Variants in RTTN observed in about 807,000 individuals in gnomAD.
The protein encoded by RTTN is rotatin.
RTTN carries 182 observed loss-of-function variants against 269.2 expected under a neutral mutation model. The ratio of observed to expected loss-of-function variants is 0.68; its 90% CI spans 0.60 to 0.76. RTTN has a LOEUF of 0.76. Among genes scored for constraint, RTTN ranks in the 30% least tolerant of loss-of-function variants. The pLI, the probability that RTTN is intolerant of heterozygous loss-of-function variation, is 0.00. For synonymous variants in RTTN, 1,006 were observed against 963.5 expected, an observed-to-expected ratio of 1.04 and a Z score of -0.82; for missense variants, 2,545 against 2,608.6, an observed-to-expected ratio of 0.98 and a Z score of 0.53.
At chr18:70,181,392 A>G (rs1429344276) in intron 10 of RTTN, among the ~76,000 whole-genome samples, 4 of 152,196 alleles carry the variant, frequency 2.6e-5, no homozygotes, top group Non-Finnish European at 5.9e-5. Context: ...GTAAATAGGG[A>G]AAAAATAGAC....
In RTTN at chr18:70,030,860, G is replaced by T; in HGVS notation, c.5647+16C>A. On this transcript the variant is annotated intron_variant, in intron 41 of 48. Coordinates refer to ENST00000640769, the MANE Select transcript of RTTN (RefSeq NM_173630.4). ...TGATAATGCCATCAAAACAGCTGAT[G>T]TGTCATGTGGCTCACCTTTCAAAGC... 1 of 1,570,790 alleles carries T rather than the reference G, an allele frequency of 6.4e-7. No individual in the cohort carries two copies. Among genetic ancestry groups the T allele is most frequent in the Non-Finnish European group, 8.7e-7 (1 of 1,147,232 alleles).
At chr18:70,151,519 C>T (rs2060537860) in intron 14 of RTTN, among the ~76,000 whole-genome samples, 2 of 151,938 alleles carry the variant, frequency 1.3e-5, no homozygotes, top group Non-Finnish European at 2.9e-5. Context: ...CAAATTTCTA[C>T]TTCCTATTAT....
At chr18:70,046,581 GTCTGTTGT>G (rs1330128472) in intron 40 of RTTN, among the ~76,000 whole-genome samples, 1 of 152,166 alleles carries the variant, frequency 6.6e-6, no homozygotes. Flanking sequence ...GGGAAATAAA[GTCTGTTGT>G]TCTGATGGGG....
At chr18:70,006,214 TG>T in intron 47 of RTTN, 166 bp downstream of exon 47, 1 of 530,156 alleles carries the variant, frequency 1.9e-6, no homozygotes, top group Non-Finnish European at 3.4e-6. Context: ...AGATTTCAAC[TG>T]ATGGTTTACT....
intron 43 of RTTN, 91 bp from the exon 44 acceptor site, chr18:70,024,939 A>G: frequency 2.2e-6 from 3 of 1,390,120 alleles, no homozygotes; most frequent in Non-Finnish European, 2.9e-6. Context: ...CATCAACATA[A>G]GACCCAAGGA....
chr18:70,112,408 C>A lies in RTTN; in HGVS notation c.3683+2037G>T, dbSNP rs571154139. 2.1e-5 allele frequency among the ~76,000 whole-genome samples: 3 copies of A among 141,784 alleles called. No homozygotes were observed. In the East Asian group the frequency reaches 6.8e-4, roughly 32 times the overall value. 93.0% of individuals were successfully genotyped at this position (141,784 alleles called of 152,430 possible). A position where few individuals can be genotyped will look rare whatever the true frequency, so the allele number is the denominator to read the frequency against. On this transcript the variant is annotated intron_variant, in intron 27 of 48. Transcript: ENST00000640769. The stretch of plus-strand genomic sequence containing the variant: ...CTATCAGTGTGCTATATTCAGGAGA[C>A]CCATCTCACATGCAAAAAACACACA...
At chr18:70,138,779 C>T (rs150857096) in intron 21 of RTTN, 88 of 152,190 alleles carry the variant, frequency 5.8e-4, no homozygotes, top group African/African-American at 2.0e-3. Flanking sequence ...GGAAAAGATG[C>T]TAAAATAAAA....
At chr18:70,023,933 C>T (rs1008113315) in intron 44 of RTTN, among the ~76,000 whole-genome samples, 1 of 152,136 alleles carries the variant, frequency 6.6e-6, no homozygotes, top group African/African-American at 2.4e-5. Context: ...CAGGCATGCA[C>T]CATCATGCCT....
At chr18:70,182,403 G>A (rs1324451461) in intron 10 of RTTN, among the ~76,000 whole-genome samples, 8 of 151,622 alleles carry the variant, frequency 5.3e-5, no homozygotes, top group African/African-American at 1.7e-4. Context: ...ATAGCATAAA[G>A]AGAAAAAAAA....
intron 35 of RTTN, 47 bp downstream of exon 35, chr18:70,065,782 T>A: frequency 7.7e-7 from 1 of 1,299,500 alleles, no homozygotes; most frequent in Non-Finnish European, 1.1e-6. Context: ...CTGGACCAAC[T>A]TGTCATTTTT....
At position 70,087,989 on chromosome 18, in the gene RTTN, C is replaced by T. The variant is rs533924782; in HGVS notation, c.4302G>A (p.Glu1434=). The change falls in exon 31 of 49, where the codon GAG becomes GAA. Residue 1434 remains glutamate, a splice_region_variant and synonymous_variant. Transcript: ENST00000640769. ...AAAAAAGGAGAAAAGACAGACATAC[C>T]TCCCGGCGCACCATACTACATTCTG... The part of the protein sequence containing the change: ...DQSECSMVRR[E]AAFILQNLLV... 1.2e-6 allele frequency: 2 copies of T among 1,610,792 alleles called. No individual in the cohort carries two copies. Among genetic ancestry groups the T allele is most frequent in the South Asian group, 2.2e-5 (2 of 90,270 alleles).
intron 44 of RTTN, among the ~76,000 whole-genome samples, chr18:70,023,338 A>C (rs578106090): frequency 1.3e-5 from 2 of 152,328 alleles, no homozygotes; most frequent in South Asian, 4.1e-4. Context: ...TTTTGTAGCA[A>C]TAAATAACTA....
intron 23 of RTTN, 53 bp downstream of exon 23, chr18:70,134,420 T>C: frequency 7.6e-7 from 1 of 1,307,878 alleles, no homozygotes; most frequent in Non-Finnish European, 1.1e-6. Context: ...TTGATTTCCC[T>C]TTCTGTAACA....
rs571441432 is a variant in RTTN at position 70,177,192 on chromosome 18, G to A, written c.1306-347C>T. Among the ~76,000 whole-genome samples the A allele has an allele frequency of 2.0e-5, 3 of 152,140 alleles. No homozygotes were observed. In the South Asian group the frequency reaches 6.2e-4, roughly 32 times the overall value. ...TTGTTCCAATTTGGAACGTTAACACGCAAACCCCTCGTCAAGTATTTCTTA... is the reference window on the plus strand; with the variant it reads ...TTGTTCCAATTTGGAACGTTAACACACAAACCCCTCGTCAAGTATTTCTTA... On this transcript the variant is annotated intron_variant, in intron 10 of 48. Coordinates refer to ENST00000640769, the MANE Select transcript of RTTN (RefSeq NM_173630.4).
rs146893606 is a variant in RTTN, at chr18:70,199,689, T to C, written c.488-185A>G. ...TATCACAGGATAAATAAGAGAGTTC[T>C]CTTTTCATAATTTAAACAGAACTCA... On this transcript the variant is annotated intron_variant, in intron 4 of 48. Transcript: ENST00000640769. Among the ~76,000 whole-genome samples, 773 of 152,342 alleles carry C rather than the reference T, an allele frequency of 5.1e-3. 6 individuals are homozygous for C. Among genetic ancestry groups the C allele is most frequent in the African/African-American group, 0.018 (742 of 41,584 alleles).
chr18:70,045,513 T>C (rs575958656), intron 40 of RTTN, among the ~76,000 whole-genome samples: 11 of 152,356 alleles, frequency 7.2e-5, no homozygotes, highest in Middle Eastern at 3.4e-3. Context: ...CATGGACATA[T>C]AGTAAGCTAC....
At chr18:70,146,530 G>A (rs554728494) in intron 17 of RTTN, among the ~76,000 whole-genome samples, 27 of 152,156 alleles carry the variant, frequency 1.8e-4, no homozygotes, top group Non-Finnish European at 3.1e-4. Flanking sequence ...AAGTTGCCAG[G>A]TTTTAAGAAC....
At chr18:70,040,134 A>G (rs559366227) in intron 40 of RTTN, among the ~76,000 whole-genome samples, 18 of 152,346 alleles carry the variant, frequency 1.2e-4, no homozygotes, top group African/African-American at 4.3e-4. Flanking sequence ...ACAACATTCA[A>G]TGTAAATGGA....
chr18:70,143,001 G>T (rs556752122), intron 18 of RTTN, among the ~76,000 whole-genome samples: 1 of 152,150 alleles, frequency 6.6e-6, no homozygotes, highest in African/African-American at 2.4e-5. Context: ...CTCCAACCTG[G>T]GCAACAAGAG....
Sources: allele counts gnomAD v4.1 joint callset (sites outside exome capture counted in the v4.1 genomes callset), GRCh38; gene constraint gnomAD v4.1.1; transcripts MANE v1.5; gene names NCBI Gene and HGNC (gene_info 2026-07-23, HGNC 2026-07-21).